GLI3: variants seen among roughly 807,000 people sequenced by gnomAD.
GLI3 encodes GLI family zinc finger 3.
GLI3 carries 20 observed loss-of-function variants against 100.8 expected under a neutral mutation model. That is an observed-to-expected ratio of 0.20 (90% CI 0.14 to 0.29). GLI3 has a LOEUF of 0.29. Ranked by LOEUF, GLI3 falls within the 10% of genes least tolerant of loss-of-function variation. The pLI is 1.00. For synonymous variants in GLI3, 938 were observed against 860.5 expected, an observed-to-expected ratio of 1.09 and a Z score of -1.58; for missense variants, 2,040 against 2,128.5, an observed-to-expected ratio of 0.96 and a Z score of 0.82.
chr7:42,150,726 A>G lies in GLI3; in HGVS notation c.125-2258T>C, dbSNP rs139821019. Among the ~76,000 whole-genome samples the G allele has an allele frequency of 2.0e-3, 305 of 152,336 alleles. 1 individual carries two copies. The highest frequency in any genetic ancestry group is 7.0e-3 in the African/African-American group (293 of 41,584). On this transcript the variant is annotated intron_variant, in intron 2 of 14. Transcript: ENST00000395925. The stretch of plus-strand genomic sequence containing the variant: ...ATTTCCTTGACTTAATTGTCCTAGA[A>G]TAAATTAACTTTTCTTCTCTTAAAA...
At chr7:42,226,693 G>A (rs972466817) in intron 1 of GLI3, among the ~76,000 whole-genome samples, 1 of 152,148 alleles carries the variant, frequency 6.6e-6, no homozygotes, top group Non-Finnish European at 1.5e-5. Context: ...TATAAAGATG[G>A]CAATGTGCCA....
rs1054320289 is a variant in GLI3, at chr7:41,961,952, G to A, written c.*2378C>T. The A allele has an allele frequency of 6.6e-5, 10 of 151,760 alleles. No individual in the cohort carries two copies. The highest frequency in any genetic ancestry group is 2.4e-4 in the African/African-American group (10 of 41,238). 9.4% of individuals were successfully genotyped at this position (151,760 alleles called of 1,614,324 possible). ...TGCATCTCCTGCAAATCTAAAAGCAGTAGAAAGGAAAGCAAATATAAAAAA... is the reference window on the plus strand; with the variant it reads ...TGCATCTCCTGCAAATCTAAAAGCAATAGAAAGGAAAGCAAATATAAAAAA... On this transcript the variant is annotated 3_prime_UTR_variant, in exon 15 of 15. Transcript: ENST00000395925.
intron 1 of GLI3, among the ~76,000 whole-genome samples, chr7:42,228,864 C>A (rs1788637451): frequency 6.6e-6 from 1 of 152,088 alleles, no homozygotes; most frequent in South Asian, 2.1e-4. Context: ...CTCAGGGAGG[C>A]CCTGAGTGGA....
At chr7:42,202,354 A>ATGT (rs1562784435) in intron 2 of GLI3, among the ~76,000 whole-genome samples, 1 of 132,778 alleles carries the variant, frequency 7.5e-6, no homozygotes, top group Admixed American at 7.7e-5. Context: ...TCTCACACAC[A>ATGT]CACACACACA....
chr7:41,980,169 G>A (rs559120124), intron 10 of GLI3, among the ~76,000 whole-genome samples: 3 of 152,254 alleles, frequency 2.0e-5, no homozygotes, highest in East Asian at 1.9e-4. Context: ...CCAATGTCCC[G>A]TCAGTAGCTC....
At chr7:42,108,356 G>T (rs1237013804) in intron 3 of GLI3, among the ~76,000 whole-genome samples, 2 of 152,074 alleles carry the variant, frequency 1.3e-5, no homozygotes, top group Non-Finnish European at 2.9e-5. Context: ...GTCATGACCA[G>T]CATCTTCAGA....
chr7:41,964,512 C>T lies in GLI3; in HGVS notation c.4561G>A (p.Gly1521Arg), dbSNP rs1787105048. 6.2e-7 allele frequency: 1 copy of T among 1,614,044 alleles called. No individual in the cohort carries two copies. The highest frequency in any genetic ancestry group is 2.2e-5 in the East Asian group (1 of 44,862). ...TGAATGATACTTGGGCTCAGGGCCC[C>T]CGACATCAGGCTGGAGTGGTCCCCA... Reference protein sequence around the residue: ...DDGDHSSLMSGALSPSIIQNL... With the variant: ...DDGDHSSLMSRALSPSIIQNL... Residue 1521 changes from glycine to arginine, a missense_variant, in exon 15 of 15, where the codon GGG becomes AGG. By Grantham distance (125) the Gly-to-Arg change is moderately radical. Coordinates refer to ENST00000395925, the MANE Select transcript of GLI3 (RefSeq NM_000168.6).
intron 4 of GLI3, among the ~76,000 whole-genome samples, chr7:42,062,637 C>T (rs923837348): frequency 6.6e-6 from 1 of 151,952 alleles, no homozygotes; most frequent in Non-Finnish European, 1.5e-5. Context: ...CAGGTTTGTG[C>T]ATTTTATCTT....
At chr7:42,181,326 C>T (rs1439309874) in intron 2 of GLI3, among the ~76,000 whole-genome samples, 4 of 152,110 alleles carry the variant, frequency 2.6e-5, no homozygotes, top group African/African-American at 4.8e-5. Context: ...CCAGGCTAGG[C>T]GCGGTGGCTC....
intron 13 of GLI3, among the ~76,000 whole-genome samples, chr7:41,968,768 G>GAAAGAA (rs1787289685): frequency 8.9e-6 from 1 of 112,558 alleles, no homozygotes; most frequent in African/African-American, 4.3e-5. Flanking sequence ...AAGAAGGAAA[G>GAAAGAA]AAAGAAAGAA....
chr7:42,188,934 G>C (rs1787772744), intron 2 of GLI3, among the ~76,000 whole-genome samples: 1 of 152,084 alleles, frequency 6.6e-6, no homozygotes, highest in Admixed American at 6.6e-5. Context: ...CTATCCATTT[G>C]TCCAAACCCA....
chr7:42,262,225 T>TTTCC lies in GLI3; in HGVS notation c.-43+1765_-43+1768dup, dbSNP rs71006469. On this transcript the variant is annotated intron_variant, in intron 1 of 2. Transcript: ENST00000678978. ...CCTTCCTTCTTTCCTTCCTTCCTTCTTTCCTTCCTTCCTTCCTTCCTTTCT... is the reference window on the plus strand; with the variant it reads ...CCTTCCTTCTTTCCTTCCTTCCTTCTTTCCTTCCTTCCTTCCTTCCTTCCTTTCT... 1.0e-4 allele frequency among the ~76,000 whole-genome samples: 12 copies of TTTCC among 118,786 alleles called. No individual in the cohort carries two copies. The South Asian group carries it at 1.2e-3, about 12-fold the overall frequency. The allele number at this position is 118,786 out of a possible 152,430, so 77.9% of individuals were successfully genotyped here. A position where few individuals can be genotyped will look rare whatever the true frequency, so the allele number is the denominator to read the frequency against.
intron 10 of GLI3, among the ~76,000 whole-genome samples, chr7:41,992,002 A>G (rs1788000323): frequency 6.6e-6 from 1 of 152,136 alleles, no homozygotes; most frequent in Non-Finnish European, 1.5e-5. Flanking sequence ...CTGGGGAAAA[A>G]TTATAAGGGG....
intron 3 of GLI3, among the ~76,000 whole-genome samples, chr7:42,133,091 T>G (rs1362736467): frequency 6.6e-6 from 1 of 152,064 alleles, no homozygotes; most frequent in Non-Finnish European, 1.5e-5. Context: ...AAAGAAATAC[T>G]TTTTTTTAGA....
intron 3 of GLI3, chr7:42,145,373 G>A (rs1562756300): frequency 2.5e-6 from 1 of 394,570 alleles, no homozygotes. Context: ...AACACTTTCT[G>A]CTAAGAATTT....
At chr7:42,232,627 ATGT>A (rs1392761977) in intron 1 of GLI3, among the ~76,000 whole-genome samples, 3 of 152,202 alleles carry the variant, frequency 2.0e-5, no homozygotes, top group African/African-American at 7.2e-5. Flanking sequence ...ATTATATGAC[ATGT>A]TGTTGGACAA....
At chr7:42,238,469 G>T (rs957639727), upstream of GLI3, among the ~76,000 whole-genome samples, 1 of 152,108 alleles carries the variant, frequency 6.6e-6, no homozygotes, top group Non-Finnish European at 1.5e-5. Flanking sequence ...CACCGGACTC[G>T]TCTGCCCTCG....
chr7:42,098,517 A>G (rs1336752020), intron 3 of GLI3, among the ~76,000 whole-genome samples: 1 of 152,192 alleles, frequency 6.6e-6, no homozygotes, highest in Non-Finnish European at 1.5e-5. Context: ...ATAACCTTGT[A>G]CACATGACTC....
intron 10 of GLI3, among the ~76,000 whole-genome samples, chr7:41,983,069 C>G (rs759212798): frequency 2.0e-5 from 3 of 151,734 alleles, no homozygotes; most frequent in Admixed American, 1.3e-4. Context: ...ACTTTTTTTT[C>G]AACTTTTAAA....
Sources: gnomAD v4.1 joint callset for allele counts (sites outside exome capture counted in the v4.1 genomes callset) on GRCh38, gnomAD v4.1.1 for gene constraint, MANE v1.5 for transcripts, NCBI Gene and HGNC (gene_info 2026-07-23, HGNC 2026-07-21) for gene names.